Variants in EXD3 observed in about 807,000 individuals in gnomAD.
EXD3 encodes exonuclease mut-7 homolog.
Under a neutral mutation model 98.0 loss-of-function variants are expected in EXD3, and 92 were observed. The ratio of observed to expected loss-of-function variants is 0.94; its 90% CI spans 0.79 to 1.12. EXD3 has a LOEUF of 1.12. Ranked by LOEUF, EXD3 falls within the 50% of genes most tolerant of loss-of-function variation. EXD3 has a pLI of 0.00. For missense variants in EXD3, 1,222 were observed against 1,191.6 expected, an observed-to-expected ratio of 1.03 and a Z score of -0.38; for synonymous variants, 569 against 526.0, an observed-to-expected ratio of 1.08 and a Z score of -1.12.
intron 7 of EXD3, chr9:137,365,675 T>G: frequency 4.3e-6 from 1 of 232,190 alleles, no homozygotes; most frequent in Non-Finnish European, 8.2e-6. Flanking sequence ...CGCACACACA[T>G]GCACAGGCAC....
Position 137,354,736 on chromosome 9 carries a change from C to G in EXD3, c.795G>C (p.Ala265=). 1.2e-6 allele frequency: 2 copies of G among 1,610,898 alleles called. No individual in the cohort carries two copies. Among genetic ancestry groups the G allele is most frequent in the South Asian group, 2.2e-5 (2 of 91,070 alleles). The change falls in exon 9 of 22, where the codon GCG becomes GCC. Residue 265 remains alanine (A), a synonymous_variant. Coordinates refer to ENST00000340951, the MANE Select transcript of EXD3 (RefSeq NM_017820.5). The stretch of plus-strand genomic sequence containing the variant: ...GCTTGTGGCACAGGTGCCGCAGGGC[C>G]GCCAGGCGCTGCTGAATGGCCGCGT... ...CPNAAIQQRL[A]ALRHLCHKRF...
At chr9:137,378,888 G>GGCGACTGGGGCCTGT (rs1564191591) in intron 3 of EXD3, among the ~76,000 whole-genome samples, 1 of 145,488 alleles carries the variant, frequency 6.9e-6, no homozygotes, top group African/African-American at 2.6e-5. Flanking sequence ...TGTGGGTGAC[G>GGCGACTGGGGCCTGT]GTGACCGTTG....
In EXD3 at chr9:137,356,671, A is replaced by G. The variant is rs953644366; in HGVS notation, c.657-303T>C. 2.6e-5 allele frequency among the ~76,000 whole-genome samples: 4 copies of G among 152,298 alleles called. No homozygotes were observed. The East Asian group carries it at 7.7e-4, about 29-fold the overall frequency. ...GAAGGTGGACTCCCGAAATAACAGT[A>G]TTAGAGTTTTAGCTAAATCAGCACC... is the stretch of plus-strand genomic sequence containing the variant. On this transcript the variant is annotated intron_variant, in intron 7 of 21. Transcript: ENST00000340951.
intron 1 of EXD3, among the ~76,000 whole-genome samples, chr9:137,420,828 G>C (rs1186109983): frequency 6.7e-6 from 1 of 148,156 alleles, no homozygotes; most frequent in African/African-American, 2.5e-5. Context: ...TGTTTGTTTT[G>C]TTTAGAGACA....
At chr9:137,369,655 C>T (rs1193363890) in intron 5 of EXD3, among the ~76,000 whole-genome samples, 3 of 152,148 alleles carry the variant, frequency 2.0e-5, no homozygotes, top group Non-Finnish European at 2.9e-5. Context: ...CAGCCCTCGG[C>T]GGGCCCCACC....
At chr9:137,345,521 G>A (rs1036983450) in intron 17 of EXD3, among the ~76,000 whole-genome samples, 20 of 152,078 alleles carry the variant, frequency 1.3e-4, no homozygotes, top group Non-Finnish European at 2.6e-4. Flanking sequence ...AATTAGTTGG[G>A]TGTAGTGGCG....
chr9:137,391,508 G>C (rs1436494309), intron 2 of EXD3, among the ~76,000 whole-genome samples: 2 of 152,228 alleles, frequency 1.3e-5, no homozygotes, highest in African/African-American at 4.8e-5. Context: ...GAGGGAAAGG[G>C]AACCCAGGCC....
At chr9:137,380,006 C>A (rs1836146935) in intron 3 of EXD3, among the ~76,000 whole-genome samples, 1 of 151,914 alleles carries the variant, frequency 6.6e-6, no homozygotes, top group South Asian at 2.1e-4. Context: ...GCCCGTTGTT[C>A]CGGGAGACTT....
At chr9:137,399,461 T>C (rs1300000547) in intron 1 of EXD3, among the ~76,000 whole-genome samples, 1 of 152,244 alleles carries the variant, frequency 6.6e-6, no homozygotes, top group Non-Finnish European at 1.5e-5. Flanking sequence ...GGAGATTTCC[T>C]GAACTTTATT....
chr9:137,416,518 C>T (rs1413404233), intron 1 of EXD3, among the ~76,000 whole-genome samples: 1 of 151,856 alleles, frequency 6.6e-6, no homozygotes. Context: ...CCCGGGCAGG[C>T]GCCCGGAACC....
At chr9:137,410,528 GTCT>G (rs959447437) in intron 1 of EXD3, among the ~76,000 whole-genome samples, 3 of 151,600 alleles carry the variant, frequency 2.0e-5, no homozygotes, top group African/African-American at 7.3e-5. Context: ...CCTTTTAAGT[GTCT>G]TCATTTCTTC....
chr9:137,395,411 A>T lies in EXD3; in HGVS notation c.-47-7T>A. The T allele has an allele frequency of 6.2e-7, 1 of 1,612,530 alleles. No individual in the cohort carries two copies. On this transcript the variant is annotated splice_polypyrimidine_tract_variant and splice_region_variant and intron_variant, in intron 1 of 21. Coordinates refer to ENST00000340951, the MANE Select transcript of EXD3 (RefSeq NM_017820.5). This position sits in a 1 kb window ranked among gnomAD's most constrained non-coding sequence, Gnocchi z 6.5. ...GGCAGCTAGGAACGAGGATCTGCAG[A>T]AACAGACAATCAGGTGAATGCAGAG...
Position 137,372,914 on chromosome 9 carries a change from C to T in EXD3, c.453G>A (p.Arg151=), listed in dbSNP as rs1231633435. 3.1e-6 allele frequency: 5 copies of T among 1,599,022 alleles called. No individual in the cohort carries two copies. The highest frequency in any genetic ancestry group is 4.2e-6 in the Non-Finnish European group (5 of 1,179,686). The change falls in exon 5 of 22, where the codon AGG becomes AGA. Residue 151 remains arginine (R), a synonymous_variant. Coordinates refer to ENST00000340951, the MANE Select transcript of EXD3 (RefSeq NM_017820.5). ...AHVHRLHHEG[R]FREAATLGAT... is the part of the protein sequence containing the mutation. ...CACGTGGGCCACTCACTTCTCTGAA[C>T]CTGCCCTCGTGGTGGAGGCGGTGGA...
At chr9:137,383,081 G>T (rs746739958) in intron 3 of EXD3, among the ~76,000 whole-genome samples, 1 of 152,224 alleles carries the variant, frequency 6.6e-6, no homozygotes, top group East Asian at 1.9e-4. Flanking sequence ...CCTCAGAGGG[G>T]CTGCTGGGGC....
intron 7 of EXD3, among the ~76,000 whole-genome samples, chr9:137,363,158 T>C (rs28542538): frequency 0.14 from 20,693 of 151,976 alleles, 2,196 homozygotes; most frequent in African/African-American, 0.26. Flanking sequence ...TGATTGCTAA[T>C]ATTTTGTTTT....
At chr9:137,350,897 G>T in intron 14 of EXD3, 141 bp downstream of exon 14, 1 of 674,886 alleles carries the variant, frequency 1.5e-6, no homozygotes. Context: ...GCTCTGCTCT[G>T]GGGCCCTGGT....
intron 3 of EXD3, among the ~76,000 whole-genome samples, chr9:137,382,170 C>CGGAGGGGGGGAGGGCGCGT (rs1836341427): frequency 9.4e-6 from 1 of 106,704 alleles, no homozygotes; most frequent in African/African-American, 4.4e-5. Flanking sequence ...TGGGAGCATG[C>CGGAGGGGGGGAGGGCGCGT]GGAGGAGGTG....
intron 19 of EXD3, among the ~76,000 whole-genome samples, chr9:137,310,841 C>T (rs2119045619): frequency 6.6e-6 from 1 of 152,266 alleles, no homozygotes; most frequent in African/African-American, 2.4e-5. Context: ...GGTGGGGCTT[C>T]CAGGCCATCT....
Position 137,306,928 on chromosome 9 carries a change from C to A in EXD3, c.*22G>T. The A allele has an allele frequency of 6.5e-7, 1 of 1,538,734 alleles. No homozygotes were observed. Reference sequence around the variant, plus strand: ...ATGGGCCCAGCAGTCGGGCACTTTCCATGTTTATTGTCTGGCTGTCCTCAG... The same window carrying A: ...ATGGGCCCAGCAGTCGGGCACTTTCAATGTTTATTGTCTGGCTGTCCTCAG... On this transcript the variant is annotated 3_prime_UTR_variant, in exon 22 of 22. Transcript: ENST00000340951.
Sources: allele counts gnomAD v4.1 joint callset (sites outside exome capture counted in the v4.1 genomes callset), GRCh38; gene constraint gnomAD v4.1.1; non-coding constraint Gnocchi (gnomAD v3.1); transcripts MANE v1.5; gene names NCBI Gene and HGNC (gene_info 2026-07-23, HGNC 2026-07-21).